Variants in ZW10 observed in about 807,000 individuals in gnomAD.
ZW10 encodes zw10 kinetochore protein.
A neutral mutation model predicts 87.8 loss-of-function variants in ZW10; 53 were observed. That is an observed-to-expected ratio of 0.60 (90% CI 0.48 to 0.76). The LOEUF (loss-of-function observed/expected upper bound fraction) is 0.76. ZW10 is among the 30% of genes least tolerant of loss of function. ZW10 has a pLI of 0.00. For missense variants in ZW10, 837 were observed against 923.0 expected (o/e 0.91, Z 1.21); for synonymous variants, 312 against 329.2 (o/e 0.95, Z 0.57).
chr11:113,757,966 A>T (rs1953811110), intron 6 of ZW10, 113 bp from the exon 7 acceptor site: 1 of 775,870 alleles, frequency 1.3e-6, no homozygotes, highest in Non-Finnish European at 1.9e-6. Context: ...CAGGTGGATC[A>T]TCTGAGGCCA....
At chr11:113,734,257 G>A (rs1214803985) in intron 15 of ZW10, among the ~76,000 whole-genome samples, 1 of 152,134 alleles carries the variant, frequency 6.6e-6, no homozygotes, top group Non-Finnish European at 1.5e-5. Context: ...AAAAAAATAT[G>A]AACAGGCATT....
chr11:113,742,507 G>GT (rs1330036279), intron 10 of ZW10, among the ~76,000 whole-genome samples: 1 of 152,154 alleles, frequency 6.6e-6, no homozygotes, highest in African/African-American at 2.4e-5. Flanking sequence ...AGGAGCTGCT[G>GT]TTTGAGTTTG....
chr11:113,756,719 G>A (rs1158221289), intron 7 of ZW10, among the ~76,000 whole-genome samples: 1 of 152,190 alleles, frequency 6.6e-6, no homozygotes, highest in Non-Finnish European at 1.5e-5. Context: ...TTATAGAGGA[G>A]ATTCAGGCAT....
At chr11:113,739,692 A>C (rs1953593633) in intron 11 of ZW10, among the ~76,000 whole-genome samples, 1 of 152,182 alleles carries the variant, frequency 6.6e-6, no homozygotes, top group Non-Finnish European at 1.5e-5. Flanking sequence ...AATGTCCTTG[A>C]AATTTTACAC....
At chr11:113,757,383 C>G (rs61905742) in intron 7 of ZW10, among the ~76,000 whole-genome samples, 11,600 of 152,162 alleles carry the variant, frequency 0.076, 602 homozygotes, top group Non-Finnish European at 0.11. Flanking sequence ...TACTGGGAGT[C>G]CAGTGAGAGA....
At chr11:113,760,115 C>T (rs1953841310) in intron 5 of ZW10, 94 bp downstream of exon 5, 2 of 1,399,000 alleles carry the variant, frequency 1.4e-6, no homozygotes, top group East Asian at 4.6e-5. Flanking sequence ...TATGAATGAA[C>T]CCTCATCTAC....
At position 113,736,670 on chromosome 11, in the gene ZW10, G is replaced by A. The variant is rs1953556591; in HGVS notation, c.2169C>T (p.Phe723=). 5 of 1,614,174 alleles carry A rather than the reference G, an allele frequency of 3.1e-6. No individual in the cohort carries two copies. The highest frequency in any genetic ancestry group is 2.2e-5 in the South Asian group (2 of 91,084). ...VPVYVPKWMP[F]KELMMMLQAS... is the part of the protein sequence containing the mutation. ...CTTGTAGCATCATCATCAATTCCTT[G>A]AATGGCATCCATTTTGGCACATAGA... The change falls in exon 15 of 16, where the codon TTC becomes TTT. Residue 723 remains phenylalanine, a synonymous_variant. Transcript: ENST00000200135.
chr11:113,735,794 A>G (rs1205386333), intron 15 of ZW10, among the ~76,000 whole-genome samples: 1 of 150,874 alleles, frequency 6.6e-6, no homozygotes, highest in Admixed American at 6.6e-5. Flanking sequence ...TGTTGAGAGA[A>G]AACATCATCC....
intron 1 of ZW10, 131 bp downstream of exon 1, chr11:113,773,431 G>A: frequency 1.4e-6 from 1 of 693,312 alleles, no homozygotes; most frequent in Admixed American, 2.8e-5. Context: ...CCCACAACTA[G>A]ATCTCCCCAA....
Position 113,757,814 on chromosome 11 carries a change from G to A in ZW10, c.773C>T (p.Ser258Phe). ...LLKYILRPLA[S>F]CPSLHAVIES... ...TATCACAGCATGAAGGGATGGGCAA[G>A]ATGCCAGCGGCCTAAGGATATACTT... Residue 258 changes from serine (S) to phenylalanine (F), a missense_variant, in exon 7 of 16, where the codon TCT becomes TTT. Transcript: ENST00000200135. 6.2e-7 allele frequency: 1 copy of A among 1,612,550 alleles called. No homozygotes were observed. The highest frequency in any genetic ancestry group is 2.2e-5 in the East Asian group (1 of 44,840).
At position 113,738,323 on chromosome 11, in the gene ZW10, T is replaced by C. The variant is rs1173664968; in HGVS notation, c.1825A>G (p.Asn609Asp). The change falls in exon 13 of 16, where the codon AAC becomes GAC. Residue 609 changes from asparagine to aspartate, a missense_variant. By Grantham distance (23) the Asn-to-Asp change is conservative. Transcript: ENST00000200135. The stretch of plus-strand genomic sequence containing the variant: ...TCTTCATCGTCCATATTTGAAAAGT[T>C]CCTAGCACTTGATAATCTTTCCAGA... ...ELLERLSSARNFSNMDDEENY... is the reference protein window; with the variant it reads ...ELLERLSSARDFSNMDDEENY... The C allele has an allele frequency of 6.2e-7, 1 of 1,613,522 alleles. No homozygotes were observed.
chr11:113,733,636 A>C lies in ZW10; in HGVS notation c.*58T>G. 6.2e-7 allele frequency: 1 copy of C among 1,610,370 alleles called. No homozygotes were observed. Among genetic ancestry groups the C allele is most frequent in the Admixed American group, 1.7e-5 (1 of 59,858 alleles). On this transcript the variant is annotated 3_prime_UTR_variant, in exon 16 of 16. Transcript: ENST00000200135. ...GATTCAAAGAAGTCTTTAAGGGAGT[A>C]ATTATGCCAAGGGAAGAATCCACAT...
At chr11:113,770,836 A>AG (rs200612710) in intron 1 of ZW10, among the ~76,000 whole-genome samples, 11,702 of 151,568 alleles carry the variant, frequency 0.077, 566 homozygotes, top group African/African-American at 0.13. Flanking sequence ...AAGAAAAAAA[A>AG]AAAAAAAGAA....
chr11:113,768,916 T>C lies in ZW10; in HGVS notation c.157A>G (p.Met53Val), dbSNP rs1158471542. 1.2e-6 allele frequency: 2 copies of C among 1,614,164 alleles called. No homozygotes were observed. The highest frequency in any genetic ancestry group is 1.7e-5 in the Admixed American group (1 of 60,028). The change falls in exon 2 of 16, where the codon ATG (methionine) becomes GTG (valine). Residue 53 changes from methionine to valine, a missense_variant. Physicochemically the swap from Met to Val is conservative, Grantham distance 21 (BLOSUM62 1). Transcript: ENST00000200135. ...SKKYSEFLPS[M>V]QSAQGLITQV... ...GTAATCAGGCCCTGCGCGCTCTGCATGCTAGGCAGGAATTCACTGTACTTC... is the reference window on the plus strand; with the variant it reads ...GTAATCAGGCCCTGCGCGCTCTGCACGCTAGGCAGGAATTCACTGTACTTC...
chr11:113,756,641 G>A (rs996774391), intron 7 of ZW10, among the ~76,000 whole-genome samples: 1 of 152,136 alleles, frequency 6.6e-6, no homozygotes, highest in African/African-American at 2.4e-5. Context: ...CCAGGGGCAG[G>A]ATAAAATGCC....
chr11:113,742,014 C>G (rs550799000), intron 10 of ZW10, among the ~76,000 whole-genome samples: 2 of 152,352 alleles, frequency 1.3e-5, no homozygotes, highest in South Asian at 4.1e-4. Flanking sequence ...GCATTCAACC[C>G]AAAGCCTCTT....
intron 2 of ZW10, among the ~76,000 whole-genome samples, chr11:113,761,739 T>C (rs1388751363): frequency 6.6e-6 from 1 of 152,196 alleles, no homozygotes; most frequent in African/African-American, 2.4e-5. Context: ...TGAATGCCTA[T>C]AAGTGCATGG....
At chr11:113,739,541 C>T (rs945220822) in intron 11 of ZW10, among the ~76,000 whole-genome samples, 159 bp from the exon 12 acceptor site, 1 of 152,238 alleles carries the variant, frequency 6.6e-6, no homozygotes, top group Non-Finnish European at 1.5e-5. Context: ...CTCCCACTCC[C>T]AGAGGGAGGC....
chr11:113,742,700 G>A (rs531864245), intron 10 of ZW10, among the ~76,000 whole-genome samples: 10 of 152,304 alleles, frequency 6.6e-5, no homozygotes, highest in Non-Finnish European at 1.5e-4. Flanking sequence ...ATATATTTCA[G>A]GAGAGTGCCA....
Sources: allele counts gnomAD v4.1 joint callset (sites outside exome capture counted in the v4.1 genomes callset), GRCh38; gene constraint gnomAD v4.1.1; transcripts MANE v1.5; gene names NCBI Gene and HGNC (gene_info 2026-07-23, HGNC 2026-07-21).